SLC7A14: variants seen among roughly 807,000 people sequenced by gnomAD.
SLC7A14 encodes the protein solute carrier family 7 member 14.
In SLC7A14, 37 loss-of-function variants were observed where a neutral mutation model predicts 60.2. The observed-to-expected ratio is 0.61, with a 90% confidence interval of 0.47 to 0.81. The LOEUF is 0.81. Among genes scored for constraint, SLC7A14 ranks in the 30% least tolerant of loss-of-function variants. SLC7A14 has a pLI of 0.00. For missense variants in SLC7A14, 886 were observed against 982.7 expected (o/e 0.90, Z 1.32); for synonymous variants, 399 against 395.8 (o/e 1.01, Z -0.10).
chr3:170,467,579 AG>A (rs1474690627), intron 7 of SLC7A14, among the ~76,000 whole-genome samples: 3 of 152,194 alleles, frequency 2.0e-5, no homozygotes, highest in Non-Finnish European at 2.9e-5. Context: ...TCTTGCGTTA[AG>A]TAACCCATAT....
intron 4 of SLC7A14, among the ~76,000 whole-genome samples, chr3:170,495,449 C>G (rs535546912): frequency 3.6e-4 from 55 of 152,234 alleles, no homozygotes; most frequent in Non-Finnish European, 5.3e-4. Context: ...CCATGTCCAT[C>G]AGGGTGACCC....
chr3:170,497,041 C>T (rs562675300), intron 4 of SLC7A14, among the ~76,000 whole-genome samples: 1 of 148,948 alleles, frequency 6.7e-6, no homozygotes, highest in East Asian at 2.0e-4. Flanking sequence ...GCTTGGGGAC[C>T]CCCCTTGCCT....
intron 1 of SLC7A14, among the ~76,000 whole-genome samples, chr3:170,546,694 C>A (rs1714188710): frequency 6.6e-6 from 1 of 152,182 alleles, no homozygotes; most frequent in Non-Finnish European, 1.5e-5. Flanking sequence ...CCCCTGTGCT[C>A]CGACTTTCAG....
intron 4 of SLC7A14, among the ~76,000 whole-genome samples, chr3:170,489,470 A>G (rs1712144860): frequency 6.6e-6 from 1 of 152,240 alleles, no homozygotes; most frequent in South Asian, 2.1e-4. Context: ...AGAAAAGGGA[A>G]CACTCGTACA....
chr3:170,513,883 G>A lies in SLC7A14; in HGVS notation c.305-12538C>T, dbSNP rs538914375. The stretch of plus-strand genomic sequence containing the variant: ...ATGGCCTTTTATCAGTGTCCCTGCA[G>A]CTTGTGATGCAAACACTCATTCCCT... On this transcript the variant is annotated intron_variant, in intron 2 of 7. Transcript: ENST00000231706. Among the ~76,000 whole-genome samples the A allele has an allele frequency of 6.6e-5, 10 of 152,302 alleles. No homozygotes were observed. In the East Asian group the frequency reaches 1.9e-3, roughly 29 times the overall value.
At chr3:170,534,298 G>A (rs1713770392) in intron 1 of SLC7A14, among the ~76,000 whole-genome samples, 1 of 152,078 alleles carries the variant, frequency 6.6e-6, no homozygotes, top group African/African-American at 2.4e-5. Flanking sequence ...CTGCTCTTTC[G>A]TGGCACAACT....
chr3:170,487,119 C>T (rs765562904), intron 4 of SLC7A14, among the ~76,000 whole-genome samples: 1 of 141,050 alleles, frequency 7.1e-6, no homozygotes, highest in Non-Finnish European at 1.5e-5. Context: ...TAGTTGGGCA[C>T]GAGGCAGGAG....
intron 4 of SLC7A14, among the ~76,000 whole-genome samples, chr3:170,490,259 C>T (rs185611311): frequency 6.6e-6 from 1 of 152,256 alleles, no homozygotes; most frequent in Non-Finnish European, 1.5e-5. Flanking sequence ...AAAACAGGTC[C>T]TGCTTTCTCT....
rs758898781 is a variant in SLC7A14 at position 170,483,355 on chromosome 3, C to T, written c.1074G>A (p.Pro358=). ...CACCAGCCATGGCATAAATGACCCT[C>T]GGCATCGGGAAGAGGGACCCCAGCA... The part of the protein sequence containing the change: ...VSLLGSLFPM[P]RVIYAMAGDG... The change falls in exon 6 of 8, where the codon CCG becomes CCA. Residue 358 remains proline, a synonymous_variant. Transcript: ENST00000231706. 159 of 1,614,000 alleles carry T rather than the reference C, an allele frequency of 9.9e-5. No homozygotes were observed. The East Asian group carries it at 2.3e-3, about 24-fold the overall frequency.
At chr3:170,481,953 C>T (rs1289470898) in intron 6 of SLC7A14, among the ~76,000 whole-genome samples, 1 of 152,148 alleles carries the variant, frequency 6.6e-6, no homozygotes, top group East Asian at 1.9e-4. Flanking sequence ...AACTACTATA[C>T]CAGAATCATA....
At chr3:170,484,779 G>A (rs1711965220) in intron 5 of SLC7A14, among the ~76,000 whole-genome samples, 1 of 152,170 alleles carries the variant, frequency 6.6e-6, no homozygotes, top group South Asian at 2.1e-4. Flanking sequence ...TTTAAGGCCT[G>A]TGCAGTATGA....
At chr3:170,507,422 G>A (rs142503074) in intron 2 of SLC7A14, among the ~76,000 whole-genome samples, 1 of 152,326 alleles carries the variant, frequency 6.6e-6, no homozygotes. Context: ...TCAGTGCGGT[G>A]AGCGTGGTTC....
intron 6 of SLC7A14, among the ~76,000 whole-genome samples, chr3:170,481,677 G>C (rs1711829559): frequency 6.6e-6 from 1 of 152,124 alleles, no homozygotes; most frequent in South Asian, 2.1e-4. Flanking sequence ...TGGGATTATA[G>C]GTGTGAGCCA....
At chr3:170,526,370 C>A (rs1246238385) in intron 2 of SLC7A14, among the ~76,000 whole-genome samples, 1 of 151,596 alleles carries the variant, frequency 6.6e-6, no homozygotes, top group Non-Finnish European at 1.5e-5. Flanking sequence ...CCACTGCACT[C>A]CAGCCTGGGC....
chr3:170,560,212 G>T (rs1289782115), intron 1 of SLC7A14, among the ~76,000 whole-genome samples: 4 of 152,108 alleles, frequency 2.6e-5, no homozygotes, highest in African/African-American at 4.8e-5. Flanking sequence ...TTAGAATTCT[G>T]TCAGCAGAGT....
intron 1 of SLC7A14, among the ~76,000 whole-genome samples, chr3:170,572,220 T>C (rs1714978258): frequency 6.6e-6 from 1 of 152,196 alleles, no homozygotes; most frequent in Non-Finnish European, 1.5e-5. Context: ...ATAAGATCCA[T>C]TAGGATTGAT....
In SLC7A14 at chr3:170,481,067, T is replaced by C. The variant is rs772843932; in HGVS notation, c.1215A>G (p.Arg405=). ...CGATAGACATCATCTCTATCAGGTC[T>C]CTCAAGCTGACCAACAGTGCGAGGA... ...AALLALLVSL[R]DLIEMMSIGT... Residue 405 remains arginine, a synonymous_variant, in exon 7 of 8, where the codon AGA becomes AGG. Transcript: ENST00000231706. The C allele has an allele frequency of 1.4e-5, 22 of 1,614,152 alleles. No homozygotes were observed. The South Asian group carries it at 2.0e-4, about 15-fold the overall frequency.
chr3:170,532,685 G>A lies in SLC7A14; in HGVS notation c.-152-5597C>T, dbSNP rs7621870. On this transcript the variant is annotated intron_variant, in intron 1 of 7. Coordinates refer to ENST00000231706, the MANE Select transcript of SLC7A14 (RefSeq NM_020949.3). The surrounding 1 kb of genome is among the most constrained non-coding windows in gnomAD (Gnocchi z 4.0). ...CCTGACCAGGTGTTTTTTTTTTTTT[G>A]TTGTTGTTGTTCCCTGCTACTGACA... Among the ~76,000 whole-genome samples the A allele has an allele frequency of 6.7e-6, 1 of 148,280 alleles. No homozygotes were observed. Among genetic ancestry groups the A allele is most frequent in the South Asian group, 2.1e-4 (1 of 4,700 alleles).
At chr3:170,531,326 A>T (rs1324190741) in intron 1 of SLC7A14, among the ~76,000 whole-genome samples, 1 of 151,900 alleles carries the variant, frequency 6.6e-6, no homozygotes, top group Non-Finnish European at 1.5e-5. Flanking sequence ...CTGTCTGGAG[A>T]TATCTCCTGG....
Sources: allele counts gnomAD v4.1 joint callset (sites outside exome capture counted in the v4.1 genomes callset), GRCh38; gene constraint gnomAD v4.1.1; non-coding constraint Gnocchi (gnomAD v3.1); transcripts MANE v1.5; gene names NCBI Gene and HGNC (gene_info 2026-07-23, HGNC 2026-07-21).